IDE: variants seen among roughly 807,000 people sequenced by gnomAD.
The protein encoded by IDE is insulin-degrading enzyme.
In IDE, 58 loss-of-function variants were observed where a neutral mutation model predicts 133.2. The observed-to-expected ratio is 0.44, with a 90% CI of 0.35 to 0.54. IDE has a LOEUF of 0.54. Among genes scored for constraint, IDE ranks in the 20% least tolerant of loss-of-function variants. IDE has a pLI of 0.00. For missense variants in IDE, 981 were observed against 1,234.0 expected, an observed-to-expected ratio of 0.79 and a Z score of 3.07; for synonymous variants, 396 against 421.3, an observed-to-expected ratio of 0.94 and a Z score of 0.73.
chr10:92,458,490 GTTTTTT>G (rs71028821), intron 22 of IDE, among the ~76,000 whole-genome samples: 26 of 83,876 alleles, frequency 3.1e-4, no homozygotes, highest in Non-Finnish European at 4.2e-4. Context: ...TACTCTCTCT[GTTTTTT>G]TTTTTTTTTT....
At chr10:92,517,715 C>A (rs1849001143) in intron 4 of IDE, among the ~76,000 whole-genome samples, 1 of 152,144 alleles carries the variant, frequency 6.6e-6, no homozygotes, top group Non-Finnish European at 1.5e-5. Flanking sequence ...GTAATCCCAG[C>A]ACTTTGGGAG....
chr10:92,514,444 G>GTT (rs1174794165), intron 5 of IDE, among the ~76,000 whole-genome samples: 103 of 149,172 alleles, frequency 6.9e-4, no homozygotes, highest in African/African-American at 2.4e-3. Flanking sequence ...CTTTTTGTGT[G>GTT]TTTTTTTTTA....
intron 1 of IDE, among the ~76,000 whole-genome samples, chr10:92,539,353 T>C (rs1008769678): frequency 7.2e-5 from 11 of 152,230 alleles, no homozygotes; most frequent in Non-Finnish European, 1.5e-4. Flanking sequence ...CTCCTATTTA[T>C]AGTAAAAATC....
At chr10:92,556,922 C>CAAA (rs375189780) in intron 1 of IDE, among the ~76,000 whole-genome samples, 2 of 83,086 alleles carry the variant, frequency 2.4e-5, no homozygotes, top group African/African-American at 4.7e-5. Context: ...GACTCCGCCT[C>CAAA]AAAAAAAAAA....
intron 1 of IDE, among the ~76,000 whole-genome samples, chr10:92,549,457 CTCAA>C (rs371643247): frequency 2.0e-4 from 30 of 152,092 alleles, no homozygotes; most frequent in Admixed American, 3.3e-4. Context: ...CTACATATCT[CTCAA>C]TCAATCAATC....
At chr10:92,524,367 AAT>A (rs1188587450) in intron 4 of IDE, among the ~76,000 whole-genome samples, 389 of 34,408 alleles carry the variant, frequency 0.011, 41 homozygotes, top group African/African-American at 0.044. Flanking sequence ...TTTATATTAT[AAT>A]ATATATTATA....
At chr10:92,471,397 T>C (rs1215741205) in intron 17 of IDE, among the ~76,000 whole-genome samples, 1 of 152,230 alleles carries the variant, frequency 6.6e-6, no homozygotes, top group East Asian at 1.9e-4. Flanking sequence ...CACTATAAAG[T>C]AGCTACTATT....
chr10:92,495,881 T>C (rs1157610851), intron 11 of IDE, among the ~76,000 whole-genome samples: 2 of 150,924 alleles, frequency 1.3e-5, no homozygotes, highest in African/African-American at 4.9e-5. Flanking sequence ...ATTTTTTAAG[T>C]GTTTTTTTTT....
At chr10:92,545,145 T>C (rs1017580896) in intron 1 of IDE, among the ~76,000 whole-genome samples, 2 of 152,162 alleles carry the variant, frequency 1.3e-5, no homozygotes, top group African/African-American at 2.4e-5. Context: ...GTATACTCAA[T>C]AGTTTACATT....
chr10:92,515,650 C>A (rs1848879784), intron 4 of IDE, among the ~76,000 whole-genome samples: 1 of 150,292 alleles, frequency 6.7e-6, no homozygotes, highest in African/African-American at 2.4e-5. Flanking sequence ...CAACCTCCGC[C>A]TCCCGGGTTC....
intron 2 of IDE, among the ~76,000 whole-genome samples, chr10:92,535,491 G>C (rs1463153936): frequency 6.6e-6 from 1 of 152,044 alleles, no homozygotes; most frequent in Non-Finnish European, 1.5e-5. Flanking sequence ...CCACTCTACT[G>C]GCTGTGAAAC....
intron 11 of IDE, among the ~76,000 whole-genome samples, chr10:92,501,312 A>C (rs532659510): frequency 2.7e-5 from 4 of 145,502 alleles, no homozygotes; most frequent in African/African-American, 5.1e-5. Flanking sequence ...CAGTGAGCCA[A>C]GATGACACTA....
At chr10:92,568,763 C>G (rs1843662068) in intron 1 of IDE, among the ~76,000 whole-genome samples, 1 of 151,960 alleles carries the variant, frequency 6.6e-6, no homozygotes, top group Non-Finnish European at 1.5e-5. Context: ...TTGCAGTGAG[C>G]CGAGATTGCG....
intron 15 of IDE, among the ~76,000 whole-genome samples, chr10:92,476,236 C>T (rs551505920): frequency 3.3e-5 from 5 of 151,140 alleles, no homozygotes; most frequent in African/African-American, 1.2e-4. Flanking sequence ...TGCAACGGCA[C>T]GATTTCAGTT....
At chr10:92,536,458 G>A (rs918214255) in intron 2 of IDE, among the ~76,000 whole-genome samples, 4 of 151,616 alleles carry the variant, frequency 2.6e-5, no homozygotes, top group Admixed American at 2.6e-4. Flanking sequence ...CTGCACTTTG[G>A]GAGGCCGAGG....
At chr10:92,570,579 G>C (rs1843736658) in intron 1 of IDE, among the ~76,000 whole-genome samples, 1 of 152,124 alleles carries the variant, frequency 6.6e-6, no homozygotes, top group Non-Finnish European at 1.5e-5. Context: ...ACATGTTTAG[G>C]AGATATAAAA....
intron 10 of IDE, among the ~76,000 whole-genome samples, 185 bp from the exon 11 acceptor site, chr10:92,505,082 G>A (rs758231124): frequency 1.3e-5 from 2 of 152,100 alleles, no homozygotes; most frequent in Non-Finnish European, 2.9e-5. Context: ...TTGTTAAGCA[G>A]TTTCATATTG....
At chr10:92,545,238 G>A (rs527331442) in intron 1 of IDE, among the ~76,000 whole-genome samples, 8 of 152,058 alleles carry the variant, frequency 5.3e-5, no homozygotes, top group Non-Finnish European at 1.0e-4. Context: ...TGTATTGGTA[G>A]TTCTAACCAG....
At position 92,508,137 on chromosome 10, in the gene IDE, C is replaced by G. The variant is rs1380270786; in HGVS notation, c.1129G>C (p.Val377Leu). The G allele has an allele frequency of 6.2e-7, 1 of 1,613,304 alleles. No individual in the cohort carries two copies. The highest frequency in any genetic ancestry group is 8.5e-7 in the Non-Finnish European group (1 of 1,179,420). Residue 377 changes from valine (V) to leucine (L), a missense_variant, in exon 8 of 25, where the codon GTG becomes CTG. Coordinates refer to ENST00000265986, the MANE Select transcript of IDE (RefSeq NM_004969.4). ...CATAATCCTTCCTCGGTCAAGTCCACATTAATGATAAAAAACATAAAACCT... is the reference window on the plus strand; with the variant it reads ...CATAATCCTTCCTCGGTCAAGTCCAGATTAATGATAAAAAACATAAAACCT... ...ARGFMFFIIN[V>L]DLTEEGLLHV...
Sources: allele counts gnomAD v4.1 joint callset (sites outside exome capture counted in the v4.1 genomes callset), GRCh38; gene constraint gnomAD v4.1.1; transcripts MANE v1.5; gene names NCBI Gene and HGNC (gene_info 2026-07-23, HGNC 2026-07-21).